GPC5: variants seen among roughly 807,000 people sequenced by gnomAD.
The protein encoded by GPC5 is glypican-5.
In GPC5, 47 loss-of-function variants were observed where a neutral mutation model predicts 53.9. That is an observed-to-expected ratio of 0.87 (90% CI 0.69 to 1.11). The LOEUF (loss-of-function observed/expected upper bound fraction) is 1.11. Among genes scored for constraint, GPC5 ranks in the 50% most tolerant of loss-of-function variants. GPC5 has a pLI of 0.00. For synonymous variants in GPC5, 286 were observed against 263.3 expected (o/e 1.09, Z -0.84); for missense variants, 748 against 713.1 (o/e 1.05, Z -0.56).
At chr13:91,608,238 A>T (rs2033436385) in intron 2 of GPC5, among the ~76,000 whole-genome samples, 1 of 152,214 alleles carries the variant, frequency 6.6e-6, no homozygotes, top group East Asian at 1.9e-4. Flanking sequence ...ACCACTTGGT[A>T]CTGTGGATTG....
chr13:92,298,218 A>T (rs2043051512), intron 7 of GPC5, among the ~76,000 whole-genome samples: 1 of 152,094 alleles, frequency 6.6e-6, no homozygotes, highest in Non-Finnish European at 1.5e-5. Flanking sequence ...GTGGGGGAGC[A>T]GGGCTGAGAA....
intron 2 of GPC5, among the ~76,000 whole-genome samples, chr13:91,520,516 T>C (rs996284281): frequency 6.6e-6 from 1 of 152,168 alleles, no homozygotes; most frequent in African/African-American, 2.4e-5. Context: ...ATTCTGTCAC[T>C]ATACTGCCTT....
intron 7 of GPC5, among the ~76,000 whole-genome samples, chr13:92,639,244 C>A (rs921032293): frequency 2.6e-4 from 39 of 152,162 alleles, no homozygotes; most frequent in Admixed American, 2.0e-4. Flanking sequence ...CATTAGATCA[C>A]TTTTTATCCA....
At chr13:92,559,364 G>C (rs1882615193) in intron 7 of GPC5, among the ~76,000 whole-genome samples, 1 of 150,342 alleles carries the variant, frequency 6.7e-6, no homozygotes, top group East Asian at 2.0e-4. Context: ...GTGTGTGTGT[G>C]TGTGTTGGGG....
intron 2 of GPC5, among the ~76,000 whole-genome samples, chr13:91,631,665 A>G (rs1016317853): frequency 1.3e-5 from 2 of 152,054 alleles, no homozygotes; most frequent in African/African-American, 4.8e-5. Flanking sequence ...TGCAAGCAGG[A>G]CAAAGTGAGT....
At chr13:91,904,892 G>C (rs2039537104) in intron 5 of GPC5, among the ~76,000 whole-genome samples, 1 of 152,016 alleles carries the variant, frequency 6.6e-6, no homozygotes, top group African/African-American at 2.4e-5. Context: ...GCCAAGCCTG[G>C]TCCTCAGAGA....
At chr13:92,281,487 A>T (rs1203431273) in intron 7 of GPC5, among the ~76,000 whole-genome samples, 2 of 152,134 alleles carry the variant, frequency 1.3e-5, no homozygotes, top group African/African-American at 2.4e-5. Flanking sequence ...CCTAACTGGG[A>T]GGTACACCCC....
At chr13:91,956,705 T>C (rs1263443551) in intron 6 of GPC5, among the ~76,000 whole-genome samples, 1 of 152,186 alleles carries the variant, frequency 6.6e-6, no homozygotes, top group Non-Finnish European at 1.5e-5. Flanking sequence ...GAGACAATAC[T>C]ACCCTGTTTA....
At chr13:92,564,546 G>GGGGATACA (rs1346627892) in intron 7 of GPC5, among the ~76,000 whole-genome samples, 1 of 151,742 alleles carries the variant, frequency 6.6e-6, no homozygotes, top group Non-Finnish European at 1.5e-5. Flanking sequence ...TTTAAATTCA[G>GGGGATACA]GGGATACATA....
intron 6 of GPC5, among the ~76,000 whole-genome samples, chr13:91,968,342 A>T (rs1404075229): frequency 6.6e-6 from 1 of 152,172 alleles, no homozygotes; most frequent in African/African-American, 2.4e-5. Context: ...TCTCCTAAAT[A>T]TTGATGGTAT....
At chr13:92,410,801 C>T (rs1392924780) in intron 7 of GPC5, among the ~76,000 whole-genome samples, 1 of 152,104 alleles carries the variant, frequency 6.6e-6, no homozygotes, top group Non-Finnish European at 1.5e-5. Flanking sequence ...TGATTTTTTG[C>T]TAATATTATT....
chr13:91,556,949 G>A (rs1594249262), intron 2 of GPC5, among the ~76,000 whole-genome samples: 1 of 151,908 alleles, frequency 6.6e-6, no homozygotes, highest in East Asian at 1.9e-4. Context: ...AACACCACCT[G>A]TTCCCCCCAA....
rs147588141 is a variant in GPC5 at position 92,626,579 on chromosome 13, G to C, written c.1562-239703G>C. 3.1e-3 allele frequency among the ~76,000 whole-genome samples: 467 copies of C among 152,274 alleles called. 5 individuals carry two copies. The highest frequency in any genetic ancestry group is 0.011 in the South Asian group (53 of 4,822). On this transcript the variant is annotated intron_variant, in intron 7 of 7. Transcript: ENST00000377067. ...TTGCTGCTTTCTCAAGAGATCTTTC[G>C]TAAAGAACTGTCTACATTTTGAGTC... is the stretch of plus-strand genomic sequence containing the variant.
chr13:92,676,908 G>A (rs1267054182), intron 7 of GPC5, among the ~76,000 whole-genome samples: 1 of 145,766 alleles, frequency 6.9e-6, no homozygotes, highest in Non-Finnish European at 1.5e-5. Flanking sequence ...GGATCATGGG[G>A]TTAAAAATAC....
chr13:92,840,745 C>T (rs1878406511), intron 7 of GPC5, among the ~76,000 whole-genome samples: 1 of 152,046 alleles, frequency 6.6e-6, no homozygotes, highest in African/African-American at 2.4e-5. Flanking sequence ...CATGGGCTAC[C>T]TTTCCATTTA....
At position 91,955,572 on chromosome 13, in the gene GPC5, C is replaced by T. The variant is rs370612561; in HGVS notation, c.1401+47515C>T. ...TTGTTGGGAGCCCACAGAGGCACCC[C>T]AACTTAGGGAAAGGGTAAGTGGGAG... is the stretch of plus-strand genomic sequence containing the variant. On this transcript the variant is annotated intron_variant, in intron 6 of 7. Transcript: ENST00000377067. 1.1e-3 allele frequency among the ~76,000 whole-genome samples: 161 copies of T among 152,276 alleles called. 2 individuals carry two copies. In the South Asian group the frequency reaches 0.031, roughly 29 times the overall value.
At chr13:91,621,937 C>T (rs1474512369) in intron 2 of GPC5, among the ~76,000 whole-genome samples, 3 of 151,858 alleles carry the variant, frequency 2.0e-5, no homozygotes, top group African/African-American at 4.8e-5. Flanking sequence ...AGTCTGTGGC[C>T]GAAGGCCTGA....
At chr13:92,313,623 A>G (rs1054349183) in intron 7 of GPC5, among the ~76,000 whole-genome samples, 6 of 152,176 alleles carry the variant, frequency 3.9e-5, no homozygotes, top group Non-Finnish European at 7.3e-5. Context: ...GTTTTGCCTG[A>G]GCAATGTGAC....
At chr13:92,364,665 G>A (rs2043594166) in intron 7 of GPC5, among the ~76,000 whole-genome samples, 1 of 151,732 alleles carries the variant, frequency 6.6e-6, no homozygotes, top group Admixed American at 6.5e-5. Context: ...GGGAGGCGGA[G>A]CTTGCAGTGA....
Sources: gnomAD v4.1 joint callset for allele counts (sites outside exome capture counted in the v4.1 genomes callset) on GRCh38, gnomAD v4.1.1 for gene constraint, MANE v1.5 for transcripts, NCBI Gene and HGNC (gene_info 2026-07-23, HGNC 2026-07-21) for gene names.